The following GLRA1 variants were observed in gnomAD, a reference collection of about 807,000 sequenced individuals.
GLRA1 encodes glycine receptor subunit alpha-1.
A neutral mutation model predicts 48.3 loss-of-function variants in GLRA1; 37 were observed. The ratio of observed to expected loss-of-function variants is 0.77; its 90% confidence interval spans 0.59 to 1.01. The LOEUF (loss-of-function observed/expected upper bound fraction) is 1.01. Ranked by LOEUF, GLRA1 falls within the 50% of genes least tolerant of loss-of-function variation. The pLI, the probability that GLRA1 is intolerant of heterozygous loss-of-function variation, is 0.00. For missense variants in GLRA1, 427 were observed against 571.0 expected (o/e 0.75, Z 2.57); for synonymous variants, 196 against 210.7 (o/e 0.93, Z 0.60).
At chr5:151,858,105 G>A (rs781353303) in intron 4 of GLRA1, among the ~76,000 whole-genome samples, 3 of 152,150 alleles carry the variant, frequency 2.0e-5, no homozygotes, top group Non-Finnish European at 4.4e-5. Context: ...TGTTCTAGTG[G>A]ACCTGAACTG....
At chr5:151,915,716 C>T (rs986467762) in intron 1 of GLRA1, among the ~76,000 whole-genome samples, 3 of 146,162 alleles carry the variant, frequency 2.1e-5, no homozygotes, top group South Asian at 2.2e-4. Flanking sequence ...ATATGTAATA[C>T]ATATATATAT....
At chr5:151,912,336 T>C (rs1419441927) in intron 1 of GLRA1, among the ~76,000 whole-genome samples, 1 of 146,532 alleles carries the variant, frequency 6.8e-6, no homozygotes, top group Non-Finnish European at 1.5e-5. Flanking sequence ...GGTAAGTCCA[T>C]ACTTTCTTCA....
chr5:151,877,146 A>C (rs1753646322), intron 3 of GLRA1, among the ~76,000 whole-genome samples: 1 of 152,218 alleles, frequency 6.6e-6, no homozygotes, highest in Admixed American at 6.5e-5. Flanking sequence ...GGTAGCACAC[A>C]CTAATACAAC....
At chr5:151,859,381 G>A (rs561874499) in intron 4 of GLRA1, among the ~76,000 whole-genome samples, 2 of 152,302 alleles carry the variant, frequency 1.3e-5, no homozygotes, top group Admixed American at 1.3e-4. Flanking sequence ...GGCCTTGACC[G>A]TGAGCAACAC....
At chr5:151,924,125 T>C (rs72802240) in intron 1 of GLRA1, among the ~76,000 whole-genome samples, 1 of 151,956 alleles carries the variant, frequency 6.6e-6, no homozygotes, top group Non-Finnish European at 1.5e-5. Context: ...CTAATTAAAC[T>C]GAGTAACTCC....
intron 1 of GLRA1, among the ~76,000 whole-genome samples, chr5:151,920,272 T>C (rs150480443): frequency 8.8e-4 from 134 of 152,260 alleles, no homozygotes; most frequent in African/African-American, 3.2e-3. Context: ...TTTGAGTTGA[T>C]TGGTAAGAAA....
intron 1 of GLRA1, among the ~76,000 whole-genome samples, chr5:151,901,650 CA>C (rs1422780999): frequency 6.6e-6 from 1 of 152,130 alleles, no homozygotes; most frequent in East Asian, 1.9e-4. Context: ...AAAAAGATTG[CA>C]TTAATCAGCA....
At chr5:151,896,322 A>AAG (rs1246545347) in intron 1 of GLRA1, among the ~76,000 whole-genome samples, 5 of 152,208 alleles carry the variant, frequency 3.3e-5, no homozygotes, top group Admixed American at 3.3e-4. Context: ...CAGCACTTTA[A>AAG]AGAGAGAAGG....
chr5:151,861,903 C>G (rs1753218514), intron 3 of GLRA1, among the ~76,000 whole-genome samples: 1 of 152,192 alleles, frequency 6.6e-6, no homozygotes, highest in Non-Finnish European at 1.5e-5. Flanking sequence ...CTACCAATGA[C>G]TTTCTTCAAA....
intron 1 of GLRA1, among the ~76,000 whole-genome samples, chr5:151,896,050 G>A (rs1754220348): frequency 6.6e-6 from 1 of 152,176 alleles, no homozygotes; most frequent in South Asian, 2.1e-4. Context: ...TCTCTCATAA[G>A]CCTGAATCCT....
At chr5:151,833,970 C>T (rs1226042268) in intron 7 of GLRA1, among the ~76,000 whole-genome samples, 1 of 152,100 alleles carries the variant, frequency 6.6e-6, no homozygotes, top group African/African-American at 2.4e-5. Context: ...CACCCAGATT[C>T]GTAAGGCAAG....
At chr5:151,866,545 C>T (rs1369252010) in intron 3 of GLRA1, among the ~76,000 whole-genome samples, 2 of 152,098 alleles carry the variant, frequency 1.3e-5, no homozygotes, top group African/African-American at 2.4e-5. Context: ...GCAGTCAGAA[C>T]CAAGAGACAT....
chr5:151,852,377 TC>T (rs1752934544), intron 6 of GLRA1, among the ~76,000 whole-genome samples: 1 of 152,216 alleles, frequency 6.6e-6, no homozygotes, highest in Admixed American at 6.5e-5. Context: ...TTTTCTGTGT[TC>T]CCTGAGCCCT....
chr5:151,875,737 C>T (rs1397746889), intron 3 of GLRA1: 1 of 152,316 alleles, frequency 6.6e-6, no homozygotes, highest in Non-Finnish European at 1.5e-5. Flanking sequence ...CCAAACCGTT[C>T]TGCAGAAGAC....
chr5:151,853,670 C>G (rs940759699), intron 6 of GLRA1, among the ~76,000 whole-genome samples: 5 of 152,086 alleles, frequency 3.3e-5, no homozygotes, highest in African/African-American at 9.7e-5. Context: ...TTTATCTTCA[C>G]TATCTTGATA....
At chr5:151,918,724 G>T (rs376257815) in intron 1 of GLRA1, among the ~76,000 whole-genome samples, 1 of 152,190 alleles carries the variant, frequency 6.6e-6, no homozygotes, top group East Asian at 1.9e-4. Flanking sequence ...ATTTGCAAAA[G>T]AAGCTTGAAT....
chr5:151,882,705 A>T (rs1196928140), intron 3 of GLRA1, among the ~76,000 whole-genome samples: 1 of 151,228 alleles, frequency 6.6e-6, no homozygotes. Context: ...AGAGAGCCAG[A>T]CTAGGCAATT....
At chr5:151,847,463 G>A (rs938009440) in intron 7 of GLRA1, among the ~76,000 whole-genome samples, 5 of 152,194 alleles carry the variant, frequency 3.3e-5, no homozygotes, top group African/African-American at 7.2e-5. Context: ...ACTGAATTAA[G>A]TAATCCCAGC....
intron 3 of GLRA1, among the ~76,000 whole-genome samples, chr5:151,879,055 A>G (rs951725232): frequency 3.4e-4 from 52 of 152,250 alleles, no homozygotes; most frequent in African/African-American, 1.2e-3. Flanking sequence ...ACGCTAGCCT[A>G]TGAAAGCAGC....
Sources: gnomAD v4.1 joint callset for allele counts (sites outside exome capture counted in the v4.1 genomes callset) on GRCh38, gnomAD v4.1.1 for gene constraint, MANE v1.5 for transcripts, NCBI Gene and HGNC (gene_info 2026-07-23, HGNC 2026-07-21) for gene names.